The following SPOCK3 variants were observed in gnomAD, a reference collection of about 807,000 sequenced individuals.
The protein encoded by SPOCK3 is SPARC (osteonectin), cwcv and kazal like domains proteoglycan 3.
Under a neutral mutation model 56.6 loss-of-function variants are expected in SPOCK3, and 30 were observed. The observed-to-expected ratio is 0.53, with a 90% CI of 0.40 to 0.72. The LOEUF (loss-of-function observed/expected upper bound fraction) is 0.72. SPOCK3 is among the 30% of genes least tolerant of loss of function. SPOCK3 has a pLI of 0.00. For synonymous variants in SPOCK3, 196 were observed against 183.3 expected (o/e 1.07, Z -0.56); for missense variants, 527 against 530.0 (o/e 0.99, Z 0.06).
intron 2 of SPOCK3, among the ~76,000 whole-genome samples, chr4:167,182,409 C>CAAAAAAAAA (rs35047060): frequency 5.2e-5 from 7 of 135,472 alleles, no homozygotes; most frequent in African/African-American, 1.9e-4. Flanking sequence ...AAAAGAAAGA[C>CAAAAAAAAA]AAAAAAAAAA....
rs748516343 is a variant in SPOCK3 at position 167,189,849 on chromosome 4, A to T, written c.189+44136T>A. ...GCTTTTACGAGTTCAACTTTTTAAG[A>T]TTCTGTATATAAGTGATATCCTACA... On this transcript the variant is annotated intron_variant, in intron 2 of 10. Transcript: ENST00000357545. Among the ~76,000 whole-genome samples the T allele has an allele frequency of 3.8e-4, 56 of 145,582 alleles. 4 individuals carry two copies. Among genetic ancestry groups the T allele is most frequent in the Non-Finnish European group, 3.3e-4 (22 of 66,774 alleles).
chr4:167,205,201 ATATAT>A (rs1733941946), intron 2 of SPOCK3, among the ~76,000 whole-genome samples: 1 of 96,512 alleles, frequency 1.0e-5, no homozygotes, highest in Non-Finnish European at 1.9e-5. Context: ...TATATCTATA[ATATAT>A]ATTATATATT....
chr4:166,855,239 C>A (rs570616898), intron 6 of SPOCK3, among the ~76,000 whole-genome samples: 3 of 152,070 alleles, frequency 2.0e-5, no homozygotes, highest in Non-Finnish European at 4.4e-5. Flanking sequence ...TTTTTATGAT[C>A]TTGACATTTC....
At chr4:167,112,527 G>A (rs1463097753) in intron 2 of SPOCK3, among the ~76,000 whole-genome samples, 1 of 152,084 alleles carries the variant, frequency 6.6e-6, no homozygotes, top group African/African-American at 2.4e-5. Context: ...CATAGGGATT[G>A]AGGGGGCTGT....
At chr4:167,121,737 T>C (rs1282289923) in intron 2 of SPOCK3, among the ~76,000 whole-genome samples, 3 of 152,194 alleles carry the variant, frequency 2.0e-5, no homozygotes, top group Non-Finnish European at 4.4e-5. Context: ...AACAACCACA[T>C]AGCAGTGATA....
chr4:166,793,351 T>C (rs1208912903), intron 6 of SPOCK3, among the ~76,000 whole-genome samples: 2 of 152,108 alleles, frequency 1.3e-5, no homozygotes, highest in Admixed American at 1.3e-4. Context: ...AAAGTAGGGG[T>C]ATCCAATATT....
At chr4:166,834,041 C>A (rs944849131) in intron 6 of SPOCK3, among the ~76,000 whole-genome samples, 2 of 152,140 alleles carry the variant, frequency 1.3e-5, no homozygotes, top group Non-Finnish European at 2.9e-5. Context: ...TCCTTCTACT[C>A]CTCCCCAAGA....
intron 2 of SPOCK3, among the ~76,000 whole-genome samples, chr4:167,196,360 T>C (rs1244227548): frequency 6.6e-6 from 1 of 152,176 alleles, no homozygotes; most frequent in Non-Finnish European, 1.5e-5. Context: ...TAACACATTA[T>C]CCACAAATAT....
intron 3 of SPOCK3, among the ~76,000 whole-genome samples, chr4:167,021,781 G>A (rs1423037351): frequency 6.6e-6 from 1 of 151,906 alleles, no homozygotes; most frequent in East Asian, 1.9e-4. Flanking sequence ...AGATAATTTC[G>A]GATGGCACAA....
intron 2 of SPOCK3, among the ~76,000 whole-genome samples, chr4:167,153,983 C>T (rs773571146): frequency 6.6e-6 from 1 of 152,138 alleles, no homozygotes; most frequent in African/African-American, 2.4e-5. Flanking sequence ...CTGTTTCACT[C>T]TCATTTCTGC....
intron 3 of SPOCK3, among the ~76,000 whole-genome samples, chr4:167,050,531 C>T (rs1189286442): frequency 2.0e-5 from 3 of 152,068 alleles, no homozygotes; most frequent in African/African-American, 7.2e-5. Flanking sequence ...TATGATCCAG[C>T]AATTCCATTT....
intron 2 of SPOCK3, among the ~76,000 whole-genome samples, chr4:167,231,855 C>A (rs1737208916): frequency 6.6e-6 from 1 of 152,106 alleles, no homozygotes; most frequent in East Asian, 1.9e-4. Context: ...CTCCAGAAGT[C>A]ATCTTTGCAA....
Position 166,953,478 on chromosome 4 carries a change from C to G in SPOCK3, c.351-40735G>C, listed in dbSNP as rs1019393043. Among the ~76,000 whole-genome samples, 9 of 151,450 alleles carry G rather than the reference C, an allele frequency of 5.9e-5. 1 individual carries two copies. The South Asian group carries it at 6.3e-4, about 11-fold the overall frequency. The stretch of plus-strand genomic sequence containing the variant: ...GTGGAGAAATAGGAACACTTTTACA[C>G]TGTTGGTGGGACTGTAAACTAGTTC... On this transcript the variant is annotated intron_variant, in intron 4 of 10. Coordinates refer to ENST00000357545, the MANE Select transcript of SPOCK3 (RefSeq NM_001040159.2).
chr4:166,861,597 G>A (rs549512272), intron 6 of SPOCK3, among the ~76,000 whole-genome samples: 4 of 152,064 alleles, frequency 2.6e-5, no homozygotes, highest in African/African-American at 2.4e-5. Flanking sequence ...GCAGGATCCC[G>A]ATTGCCCTTC....
chr4:166,924,063 C>A (rs1738792025), intron 4 of SPOCK3, among the ~76,000 whole-genome samples: 1 of 152,126 alleles, frequency 6.6e-6, no homozygotes, highest in Non-Finnish European at 1.5e-5. Flanking sequence ...GGGAAAGATA[C>A]AGGCTTTGTG....
intron 10 of SPOCK3, 139 bp from the exon 11 acceptor site, chr4:166,735,229 G>C (rs1481720575): frequency 1.2e-5 from 7 of 600,710 alleles, no homozygotes; most frequent in Non-Finnish European, 2.0e-5. Flanking sequence ...GATAATGAAA[G>C]ATCCATTTTC....
At chr4:166,859,367 T>C (rs919098749) in intron 6 of SPOCK3, among the ~76,000 whole-genome samples, 1 of 152,190 alleles carries the variant, frequency 6.6e-6, no homozygotes, top group Non-Finnish European at 1.5e-5. Context: ...TTATTTCTAA[T>C]AGAGGTTTAT....
chr4:167,148,974 G>A (rs1764193377), intron 2 of SPOCK3, among the ~76,000 whole-genome samples: 1 of 152,032 alleles, frequency 6.6e-6, no homozygotes, highest in African/African-American at 2.4e-5. Context: ...TCACTTTGAA[G>A]GATGTATTAA....
At chr4:166,772,729 T>G (rs979734391) in intron 7 of SPOCK3, among the ~76,000 whole-genome samples, 1 of 152,080 alleles carries the variant, frequency 6.6e-6, no homozygotes, top group Non-Finnish European at 1.5e-5. Context: ...AAAAACTACT[T>G]TTAGATTGAA....
Sources: allele counts gnomAD v4.1 joint callset (sites outside exome capture counted in the v4.1 genomes callset), GRCh38; gene constraint gnomAD v4.1.1; transcripts MANE v1.5; gene names NCBI Gene and HGNC (gene_info 2026-07-23, HGNC 2026-07-21).